The following TRAK1 variants were observed in gnomAD, a reference collection of about 807,000 sequenced individuals.
TRAK1 encodes trafficking kinesin protein 1.
Under a neutral mutation model 92.1 loss-of-function variants are expected in TRAK1, and 33 were observed. The observed-to-expected ratio is 0.36, with a 90% confidence interval of 0.27 to 0.48. The LOEUF is 0.48. Ranked by LOEUF, TRAK1 falls within the 20% of genes least tolerant of loss-of-function variation. The pLI, the probability that TRAK1 is intolerant of heterozygous loss-of-function variation, is 0.99. For missense variants in TRAK1, 1,123 were observed against 1,257.9 expected (o/e 0.89, Z 1.62); for synonymous variants, 521 against 517.3 (o/e 1.01, Z -0.10).
intron 2 of TRAK1, among the ~76,000 whole-genome samples, chr3:42,125,972 T>A (rs1364569940): frequency 6.6e-6 from 1 of 152,042 alleles, no homozygotes; most frequent in African/African-American, 2.4e-5. Flanking sequence ...TGCTTCAGCC[T>A]CCCGAGTAGC....
chr3:42,170,212 T>G (rs895605281), intron 2 of TRAK1, among the ~76,000 whole-genome samples: 2 of 152,194 alleles, frequency 1.3e-5, no homozygotes, highest in Admixed American at 6.5e-5. Flanking sequence ...ACTAATTAAG[T>G]TCAAAAGCTA....
At chr3:42,064,175 T>C (rs1328596083) in intron 1 of TRAK1, among the ~76,000 whole-genome samples, 2 of 152,120 alleles carry the variant, frequency 1.3e-5, no homozygotes, top group East Asian at 1.9e-4. Context: ...ATGCGAATGC[T>C]CGCAGCCAGG....
chr3:42,191,287 G>C (rs1290544185), intron 6 of TRAK1, among the ~76,000 whole-genome samples: 2 of 152,230 alleles, frequency 1.3e-5, no homozygotes, highest in Admixed American at 6.5e-5. Flanking sequence ...GTTTTTAACA[G>C]AGCAAGCTGT....
intron 1 of TRAK1, among the ~76,000 whole-genome samples, chr3:42,124,208 A>C (rs543488985): frequency 6.6e-6 from 1 of 151,702 alleles, no homozygotes; most frequent in Non-Finnish European, 1.5e-5. Flanking sequence ...TTGAAGAGTC[A>C]TTCCTAGAAC....
At chr3:42,214,317 G>A (rs563585350) in intron 14 of TRAK1, among the ~76,000 whole-genome samples, 18 of 152,290 alleles carry the variant, frequency 1.2e-4, no homozygotes, top group African/African-American at 4.3e-4. Context: ...TCTTGTGCTG[G>A]CCTTGAACGC....
chr3:42,153,744 GT>G (rs752792895), intron 2 of TRAK1, among the ~76,000 whole-genome samples: 1 of 151,966 alleles, frequency 6.6e-6, no homozygotes, highest in Non-Finnish European at 1.5e-5. Flanking sequence ...GTTCGTGAGT[GT>G]TTTTTTTCTT....
intron 2 of TRAK1, among the ~76,000 whole-genome samples, chr3:42,135,655 A>G (rs1347716772): frequency 6.6e-6 from 1 of 152,156 alleles, no homozygotes; most frequent in African/African-American, 2.4e-5. Context: ...GTTTGTGTGG[A>G]ATTGGACTGT....
At chr3:42,051,510 G>A (rs534100889) in intron 1 of TRAK1, 34 of 152,386 alleles carry the variant, frequency 2.2e-4, no homozygotes, top group African/African-American at 8.2e-4. Context: ...CACCAAGGTG[G>A]GGATGGTATT....
At chr3:42,129,497 G>A (rs143242465) in intron 2 of TRAK1, among the ~76,000 whole-genome samples, 1 of 152,252 alleles carries the variant, frequency 6.6e-6, no homozygotes, top group East Asian at 1.9e-4. Flanking sequence ...AAGAAGAGGC[G>A]AGAAAGCTTT....
At chr3:42,045,459 C>T (rs758753347) in intron 1 of TRAK1, among the ~76,000 whole-genome samples, 1 of 152,144 alleles carries the variant, frequency 6.6e-6, no homozygotes, top group Non-Finnish European at 1.5e-5. Flanking sequence ...CTCTTGAACC[C>T]AGGAGGCAGA....
intron 14 of TRAK1, among the ~76,000 whole-genome samples, chr3:42,216,706 G>A (rs1350750244): frequency 6.6e-6 from 1 of 152,088 alleles, no homozygotes; most frequent in Non-Finnish European, 1.5e-5. Context: ...GGGGGAGGAA[G>A]AACAATTAAA....
chr3:42,160,265 G>GTCC, intron 2 of TRAK1: 2 of 1,549,088 alleles, frequency 1.3e-6, no homozygotes. Flanking sequence ...TGTGCCCTGG[G>GTCC]GGCCCAGGCC....
intron 2 of TRAK1, chr3:42,149,331 C>T (rs1699685985): frequency 1.4e-6 from 2 of 1,432,006 alleles, no homozygotes; most frequent in African/African-American, 1.4e-5. Flanking sequence ...CTCCTACTCC[C>T]TCCTTCCCCC....
At chr3:42,163,831 A>G (rs988464895) in intron 2 of TRAK1, among the ~76,000 whole-genome samples, 1 of 152,184 alleles carries the variant, frequency 6.6e-6, no homozygotes, top group African/African-American at 2.4e-5. Flanking sequence ...GTTTGTTTCT[A>G]TCCAGTTTTC....
chr3:42,106,622 ATGT>A (rs1707608159), intron 1 of TRAK1, among the ~76,000 whole-genome samples: 3 of 152,352 alleles, frequency 2.0e-5, no homozygotes, highest in Admixed American at 6.5e-5. Context: ...TAAAATTATA[ATGT>A]TGTATTTATT....
At chr3:42,120,623 A>G (rs966297845) in intron 1 of TRAK1, among the ~76,000 whole-genome samples, 2 of 151,852 alleles carry the variant, frequency 1.3e-5, no homozygotes, top group Admixed American at 1.3e-4. Context: ...GCTCACTGCA[A>G]CCTGACCTCC....
chr3:42,120,837 C>T (rs1709756233), intron 1 of TRAK1, among the ~76,000 whole-genome samples: 1 of 152,052 alleles, frequency 6.6e-6, no homozygotes, highest in African/African-American at 2.4e-5. Flanking sequence ...TGAGCCACCG[C>T]GCCCGGCTAC....
At chr3:42,219,650 C>G (rs1710120625) in intron 15 of TRAK1, 54 bp downstream of exon 15, 1 of 1,592,994 alleles carries the variant, frequency 6.3e-7, no homozygotes, top group Non-Finnish European at 8.6e-7. Flanking sequence ...CAGGGCACTC[C>G]CTTCCCTGCA....
At chr3:42,091,709 G>GA in intron 1 of TRAK1, 149 bp downstream of exon 1, 1 of 711,166 alleles carries the variant, frequency 1.4e-6, no homozygotes, top group Non-Finnish European at 2.3e-6. Context: ...TTGCCATGTT[G>GA]AATGATAGGC....
Sources: allele counts gnomAD v4.1 joint callset (sites outside exome capture counted in the v4.1 genomes callset), GRCh38; gene constraint gnomAD v4.1.1; transcripts MANE v1.5; gene names NCBI Gene and HGNC (gene_info 2026-07-23, HGNC 2026-07-21).